Variants in PBX1 observed in about 807,000 individuals in gnomAD.
The protein encoded by PBX1 is PBX homeobox 1.
In PBX1, 6 loss-of-function variants were observed where a neutral mutation model predicts 53.4. The ratio of observed to expected loss-of-function variants is 0.11; its 90% confidence interval spans 0.06 to 0.22. The LOEUF is 0.22. Among genes scored for constraint, PBX1 ranks in the 10% least tolerant of loss-of-function variants. PBX1 has a pLI of 1.00. For synonymous variants in PBX1, 204 were observed against 212.3 expected, an observed-to-expected ratio of 0.96 and a Z score of 0.34; for missense variants, 251 against 551.4, an observed-to-expected ratio of 0.46 and a Z score of 5.46.
chr1:164,621,884 A>G (rs1345791745), intron 2 of PBX1, among the ~76,000 whole-genome samples: 6 of 152,072 alleles, frequency 3.9e-5, no homozygotes, highest in African/African-American at 1.4e-4. Flanking sequence ...ATGAGAAGTT[A>G]GGACCAGAAG....
chr1:164,790,147 A>G (rs973706521), intron 2 of PBX1, among the ~76,000 whole-genome samples: 4 of 152,170 alleles, frequency 2.6e-5, no homozygotes, highest in Non-Finnish European at 4.4e-5. Context: ...TATTCAGGGC[A>G]TGGTTACAGC....
intron 2 of PBX1, among the ~76,000 whole-genome samples, chr1:164,760,298 G>GAACAAC (rs758132496): frequency 6.6e-6 from 1 of 151,966 alleles, no homozygotes; most frequent in Non-Finnish European, 1.5e-5. Context: ...CAAAATATGA[G>GAACAAC]AACAACAGGA....
At chr1:164,671,964 A>G (rs1029728392) in intron 2 of PBX1, among the ~76,000 whole-genome samples, 1 of 151,460 alleles carries the variant, frequency 6.6e-6, no homozygotes, top group Non-Finnish European at 1.5e-5. Context: ...TCCACCGTGG[A>G]TTCTTCATTA....
intron 2 of PBX1, among the ~76,000 whole-genome samples, chr1:164,759,083 G>C (rs185270998): frequency 3.3e-5 from 5 of 152,288 alleles, no homozygotes; most frequent in Non-Finnish European, 7.3e-5. Flanking sequence ...AGACTGGGCT[G>C]CATGCACTAT....
At chr1:164,618,343 TC>T (rs1657440425) in intron 2 of PBX1, among the ~76,000 whole-genome samples, 4 of 141,386 alleles carry the variant, frequency 2.8e-5, no homozygotes, top group Non-Finnish European at 6.1e-5. Flanking sequence ...CCCAGCCTTC[TC>T]CCAGGCTGGG....
intron 2 of PBX1, among the ~76,000 whole-genome samples, chr1:164,569,999 CAAACTGGACAACAACCGCTTGA>C (rs1653735187): frequency 6.6e-6 from 1 of 152,162 alleles, no homozygotes. Context: ...TTTTAAACTA[CAAACTGGACAACAACCGCTTGA>C]AAAGCTAGAA....
intron 2 of PBX1, among the ~76,000 whole-genome samples, chr1:164,747,946 C>T (rs1665982948): frequency 6.6e-6 from 1 of 152,096 alleles, no homozygotes; most frequent in East Asian, 1.9e-4. Context: ...ATACACAAAT[C>T]ATGAGTATGC....
intron 2 of PBX1, among the ~76,000 whole-genome samples, chr1:164,870,571 T>C (rs952068682): frequency 1.3e-5 from 2 of 152,036 alleles, no homozygotes; most frequent in Admixed American, 6.5e-5. Context: ...CTTGAACTCC[T>C]GACCTCAAGT....
intron 3 of PBX1, 122 bp downstream of exon 3, chr1:164,792,860 G>A (rs1354307936): frequency 1.3e-6 from 1 of 743,176 alleles, no homozygotes; most frequent in Non-Finnish European, 2.1e-6. Flanking sequence ...CCCTGTGCCC[G>A]GCATCCCCTG....
At chr1:164,875,504 G>T (rs1324007206) in intron 2 of PBX1, among the ~76,000 whole-genome samples, 1 of 152,022 alleles carries the variant, frequency 6.6e-6, no homozygotes, top group African/African-American at 2.4e-5. Flanking sequence ...GGTCTCAGTT[G>T]CCTAGGCTAG....
chr1:164,609,534 A>G (rs1050705168), intron 2 of PBX1, among the ~76,000 whole-genome samples: 2 of 152,160 alleles, frequency 1.3e-5, no homozygotes, highest in African/African-American at 4.8e-5. Context: ...CCATCCCCTC[A>G]AATCCCATTT....
At chr1:164,598,068 A>G (rs1655889529) in intron 2 of PBX1, among the ~76,000 whole-genome samples, 1 of 152,112 alleles carries the variant, frequency 6.6e-6, no homozygotes, top group African/African-American at 2.4e-5. Flanking sequence ...AGTTCATCAC[A>G]TGGTGAGAGG....
chr1:164,763,904 T>C (rs1337650392), intron 2 of PBX1, among the ~76,000 whole-genome samples: 1 of 152,228 alleles, frequency 6.6e-6, no homozygotes, highest in East Asian at 1.9e-4. Flanking sequence ...TGCTCCAGGC[T>C]ACTAAATTCA....
At chr1:164,566,744 G>A (rs1322806656) in intron 2 of PBX1, among the ~76,000 whole-genome samples, 2 of 152,018 alleles carry the variant, frequency 1.3e-5, no homozygotes, top group Non-Finnish European at 2.9e-5. Context: ...AGGAAAACAC[G>A]AAAAATATTG....
chr1:164,699,669 C>G (rs1426685578), intron 2 of PBX1, among the ~76,000 whole-genome samples: 6 of 152,066 alleles, frequency 3.9e-5, no homozygotes, highest in Admixed American at 3.3e-4. Flanking sequence ...ACTTCTTTGT[C>G]TAAAAGGGAA....
chr1:164,883,156 A>G (rs941501729), intron 2 of PBX1, among the ~76,000 whole-genome samples: 1 of 152,166 alleles, frequency 6.6e-6, no homozygotes, highest in Admixed American at 6.5e-5. Flanking sequence ...CCCCACTTCA[A>G]TGTTCATTCT....
At chr1:164,852,892 C>A (rs185982344), downstream of PBX1, among the ~76,000 whole-genome samples, 13 of 152,114 alleles carry the variant, frequency 8.5e-5, no homozygotes, top group African/African-American at 3.1e-4. Context: ...AATATACTTA[C>A]GGGAGCAAGC....
chr1:164,571,744 C>G (rs1323859061), intron 2 of PBX1, among the ~76,000 whole-genome samples: 1 of 150,962 alleles, frequency 6.6e-6, no homozygotes, highest in African/African-American at 2.4e-5. Context: ...AGTGGAGTTG[C>G]TGGCTCGTGA....
chr1:164,840,793 C>T (rs773135038), intron 8 of PBX1, among the ~76,000 whole-genome samples: 2 of 152,154 alleles, frequency 1.3e-5, no homozygotes, highest in Non-Finnish European at 2.9e-5. Flanking sequence ...ATTAAAGTTA[C>T]CCAGAAACTT....
Sources: gnomAD v4.1 joint callset for allele counts (sites outside exome capture counted in the v4.1 genomes callset) on GRCh38, gnomAD v4.1.1 for gene constraint, MANE v1.5 for transcripts, NCBI Gene and HGNC (gene_info 2026-07-23, HGNC 2026-07-21) for gene names.